The following TENM3 variants were observed in gnomAD, a reference collection of about 807,000 sequenced individuals.
TENM3 encodes teneurin-3.
TENM3 carries 63 observed loss-of-function variants against 255.1 expected under a neutral mutation model. The observed-to-expected ratio is 0.25, with a 90% CI of 0.20 to 0.30. TENM3 has a LOEUF of 0.30. Among genes scored for constraint, TENM3 ranks in the 10% least tolerant of loss-of-function variants. The pLI, the probability that TENM3 is intolerant of heterozygous loss-of-function variation, is 1.00. For missense variants in TENM3, 2,929 were observed against 3,461.1 expected, an observed-to-expected ratio of 0.85 and a Z score of 3.86; for synonymous variants, 1,306 against 1,322.3, an observed-to-expected ratio of 0.99 and a Z score of 0.27.
the TENM3 span, among the ~76,000 whole-genome samples, chr4:181,595,430 CAA>C: frequency 4.8e-5 from 2 of 41,830 alleles, no homozygotes; most frequent in African/African-American, 1.7e-4. Flanking sequence ...GACTCCATCC[CAA>C]AAAAAAAAAA....
intron 3 of TENM3, among the ~76,000 whole-genome samples, chr4:182,406,705 T>C (rs1769607028): frequency 6.6e-6 from 1 of 152,224 alleles, no homozygotes; most frequent in Admixed American, 6.5e-5. Context: ...ATTCTCTAAC[T>C]CCTTCACGTG....
chr4:181,713,167 A>G, the TENM3 span, among the ~76,000 whole-genome samples: 1 of 152,212 alleles, frequency 6.6e-6, no homozygotes, highest in African/African-American at 2.4e-5. Context: ...TACAGGCAAA[A>G]TGATTGGTTG....
chr4:182,366,086 G>A (rs1263597160), intron 3 of TENM3, among the ~76,000 whole-genome samples: 4 of 151,898 alleles, frequency 2.6e-5, no homozygotes, highest in Non-Finnish European at 2.9e-5. Context: ...AGATAATTAT[G>A]GACATGGATT....
At chr4:182,676,714 G>T (rs1403660970) in intron 7 of TENM3, among the ~76,000 whole-genome samples, 3 of 152,102 alleles carry the variant, frequency 2.0e-5, no homozygotes, top group African/African-American at 7.2e-5. Context: ...ACAAACATGG[G>T]CAAACTTTTC....
chr4:182,592,366 A>G (rs1010128532), intron 3 of TENM3, among the ~76,000 whole-genome samples: 4 of 152,174 alleles, frequency 2.6e-5, no homozygotes, highest in African/African-American at 9.7e-5. Context: ...ATCAAAAACC[A>G]ACTCTCGTTT....
the TENM3 span, among the ~76,000 whole-genome samples, chr4:181,959,391 GACACAGCCCCTGTTTCA>G: frequency 1.4e-4 from 22 of 152,294 alleles, no homozygotes; most frequent in African/African-American, 4.6e-4. Context: ...TCCAGTGTCT[GACACAGCCCCTGTTTCA>G]ACAGGAGATG....
At chr4:182,514,033 T>C (rs2151736033) in intron 3 of TENM3, among the ~76,000 whole-genome samples, 1 of 152,346 alleles carries the variant, frequency 6.6e-6, no homozygotes, top group East Asian at 1.9e-4. Flanking sequence ...TCCCTCTGCC[T>C]CCTAACCAAC....
intron 13 of TENM3, among the ~76,000 whole-genome samples, chr4:182,721,979 A>C (rs577952134): frequency 6.6e-6 from 1 of 152,120 alleles, no homozygotes; most frequent in African/African-American, 2.4e-5. Flanking sequence ...TGTGTTGCAA[A>C]TATTTTATCC....
the TENM3 span, chr4:181,835,214 C>T: frequency 7.5e-4 from 114 of 152,282 alleles, no homozygotes; most frequent in Admixed American, 5.0e-3. Context: ...GTTATATGTA[C>T]TCTGAGTATT....
chr4:182,191,479 G>A (rs1294269546), intron 1 of TENM3, among the ~76,000 whole-genome samples: 9 of 152,146 alleles, frequency 5.9e-5, no homozygotes, highest in African/African-American at 1.4e-4. Context: ...CAGATCATCC[G>A]TCCCATTGCT....
chr4:182,262,544 T>C (rs1758875717), intron 1 of TENM3, among the ~76,000 whole-genome samples: 1 of 151,930 alleles, frequency 6.6e-6, no homozygotes, highest in Non-Finnish European at 1.5e-5. Context: ...GCCACGACAA[T>C]TTACAAATGC....
At chr4:182,623,136 G>C (rs1377691530) in intron 4 of TENM3, among the ~76,000 whole-genome samples, 1 of 142,986 alleles carries the variant, frequency 7.0e-6, no homozygotes, top group Non-Finnish European at 1.5e-5. Context: ...TCAGCCTCCC[G>C]AGTAGCTGGG....
the TENM3 span, among the ~76,000 whole-genome samples, chr4:182,116,849 C>T: frequency 9.6e-4 from 146 of 152,212 alleles, no homozygotes; most frequent in Middle Eastern, 0.034. Context: ...GGAGAGTGTG[C>T]TTGGTTTTGT....
chr4:181,794,182 T>C, the TENM3 span, among the ~76,000 whole-genome samples: 4 of 141,568 alleles, frequency 2.8e-5, no homozygotes, highest in African/African-American at 7.6e-5. Flanking sequence ...ATTTTTATGG[T>C]GTACAATATA....
chr4:181,535,428 T>C, the TENM3 span, among the ~76,000 whole-genome samples: 2 of 152,226 alleles, frequency 1.3e-5, no homozygotes, highest in Non-Finnish European at 2.9e-5. Flanking sequence ...TGGTGTCTCC[T>C]AGGCTCTTGC....
chr4:182,628,748 A>C lies in TENM3; in HGVS notation c.847A>C (p.Thr283Pro), dbSNP rs1581152605. 2.5e-6 allele frequency: 4 copies of C among 1,609,536 alleles called. No homozygotes were observed. Among genetic ancestry groups the C allele is most frequent in the Non-Finnish European group, 3.4e-6 (4 of 1,177,944 alleles). The stretch of plus-strand genomic sequence containing the variant: ...ATCTGGCTCTGTTTATTCACCACCT[A>C]CTCGGCCACTACCTAGAAACACCCT... Reference protein sequence around the residue: ...MASGSVYSPPTRPLPRNTLSR... With the variant: ...MASGSVYSPPPRPLPRNTLSR... Residue 283 changes from threonine to proline, a missense_variant, in exon 5 of 28, where the codon ACT becomes CCT. Coordinates refer to ENST00000511685, the MANE Select transcript of TENM3 (RefSeq NM_001080477.4).
chr4:181,585,311 T>A, the TENM3 span, among the ~76,000 whole-genome samples: 3 of 152,206 alleles, frequency 2.0e-5, no homozygotes, highest in Admixed American at 6.5e-5. Flanking sequence ...CTGAATTTAA[T>A]CCTAGTCTGC....
chr4:182,412,989 C>G (rs952177244), intron 3 of TENM3, among the ~76,000 whole-genome samples: 2 of 151,798 alleles, frequency 1.3e-5, no homozygotes, highest in South Asian at 2.1e-4. Flanking sequence ...AAAATAAACT[C>G]TAGGTTCAAC....
chr4:181,516,307 C>T, the TENM3 span, among the ~76,000 whole-genome samples: 26 of 149,744 alleles, frequency 1.7e-4, no homozygotes, highest in Admixed American at 6.7e-5. Context: ...ACCACCGTGG[C>T]ACACATTTAT....
Sources: gnomAD v4.1 joint callset for allele counts (sites outside exome capture counted in the v4.1 genomes callset) on GRCh38, gnomAD v4.1.1 for gene constraint, MANE v1.5 for transcripts, NCBI Gene and HGNC (gene_info 2026-07-23, HGNC 2026-07-21) for gene names.